Variants in UCK2 observed in about 807,000 individuals in gnomAD.
UCK2 encodes the protein uridine-cytidine kinase 2, also known as cytidine monophosphokinase 2.
Under a neutral mutation model 30.8 loss-of-function variants are expected in UCK2, and 6 were observed. The observed-to-expected ratio is 0.19, with a 90% confidence interval of 0.11 to 0.38. The LOEUF is 0.38. Among genes scored for constraint, UCK2 ranks in the 10% least tolerant of loss-of-function variants. The probability of loss-of-function intolerance (pLI) is 1.00; values close to 1 mark genes in which losing one functional copy is unlikely to be tolerated. For missense variants in UCK2, 210 were observed against 339.8 expected (o/e 0.62, Z 3.00); for synonymous variants, 125 against 133.6 (o/e 0.94, Z 0.45).
At chr1:165,874,802 T>A (rs1655293004) in intron 1 of UCK2, among the ~76,000 whole-genome samples, 1 of 152,228 alleles carries the variant, frequency 6.6e-6, no homozygotes, top group African/African-American at 2.4e-5. Context: ...TTGGGCATTC[T>A]AGAAGAGGGT....
At chr1:165,897,556 AG>A (rs751479038) in intron 4 of UCK2, among the ~76,000 whole-genome samples, 36 of 152,324 alleles carry the variant, frequency 2.4e-4, no homozygotes, top group Non-Finnish European at 4.3e-4. Flanking sequence ...GGAAATGACG[AG>A]GTTAGCTCCT....
intron 4 of UCK2, among the ~76,000 whole-genome samples, chr1:165,899,022 C>T (rs1557849272): frequency 6.6e-6 from 1 of 152,112 alleles, no homozygotes; most frequent in Non-Finnish European, 1.5e-5. Flanking sequence ...TTGTGGAGTG[C>T]GGGGGTGCTG....
chr1:165,875,501 A>G (rs971515966), intron 1 of UCK2, among the ~76,000 whole-genome samples: 7 of 152,092 alleles, frequency 4.6e-5, no homozygotes, highest in African/African-American at 1.4e-4. Flanking sequence ...TTGCTACACT[A>G]TTTACCTGGA....
intron 4 of UCK2, among the ~76,000 whole-genome samples, chr1:165,901,947 CA>C (rs35032034): frequency 5.2e-4 from 57 of 109,138 alleles, no homozygotes; most frequent in Middle Eastern, 5.2e-3. Flanking sequence ...CCGTGTCTAC[CA>C]AAAAAAAAAA....
rs766806885 is a variant in UCK2, at chr1:165,827,622, G to A, written c.-212G>A. On this transcript the variant is annotated 5_prime_UTR_variant, in exon 1 of 7. Transcript: ENST00000367879. ...TGACCTCTGCCTGGGATGTAAACCG[G>A]ACCAGCCGCTGCGGGCAAAGGAAGG... The A allele has an allele frequency of 2.1e-5, 8 of 382,110 alleles. No homozygotes were observed. Among genetic ancestry groups the A allele is most frequent in the East Asian group, 3.8e-5 (1 of 26,270 alleles). 23.7% of individuals were successfully genotyped at this position (382,110 alleles called of 1,614,324 possible).
chr1:165,876,546 A>C (rs1655341630), intron 1 of UCK2, among the ~76,000 whole-genome samples: 1 of 152,232 alleles, frequency 6.6e-6, no homozygotes. Flanking sequence ...AGGAGATAAA[A>C]ACAATGTATG....
rs185911790 is a variant in UCK2, at chr1:165,848,985, G to A, written c.99+21053G>A. 8.6e-4 allele frequency among the ~76,000 whole-genome samples: 131 copies of A among 152,208 alleles called. 1 individual carries two copies. Among genetic ancestry groups the A allele is most frequent in the African/African-American group, 2.8e-3 (118 of 41,518 alleles). The stretch of plus-strand genomic sequence containing the variant: ...AAGTAAGAATGATGGAGCTGGGTGC[G>A]GTGGCTCAGGCCTGTAATCCCAGTT... On this transcript the variant is annotated intron_variant, in intron 1 of 6. Coordinates refer to ENST00000367879, the MANE Select transcript of UCK2 (RefSeq NM_012474.5).
chr1:165,909,961 ACTC>A lies in UCK2; in HGVS notation c.*2142_*2144del, dbSNP rs1647796658. The A allele has an allele frequency of 6.6e-6, 1 of 151,982 alleles. No homozygotes were observed. The highest frequency in any genetic ancestry group is 1.5e-5 in the Non-Finnish European group (1 of 68,024). 9.4% of individuals were successfully genotyped at this position (151,982 alleles called of 1,614,324 possible). A position where few individuals can be genotyped will look rare whatever the true frequency, so the allele number is the denominator to read the frequency against. On this transcript the variant is annotated 3_prime_UTR_variant, in exon 7 of 7. Coordinates refer to ENST00000367879, the MANE Select transcript of UCK2 (RefSeq NM_012474.5). Reference sequence around the variant, plus strand: ...TTTATCCCACTGCCTTGGAAGATGGACTCCTCTCATCTCTGAGCCTTTACCTAG... The same window carrying A: ...TTTATCCCACTGCCTTGGAAGATGGACTCTCATCTCTGAGCCTTTACCTAG...
chr1:165,890,069 C>T (rs1016623286), intron 1 of UCK2, 135 bp from the exon 2 acceptor site: 5 of 935,454 alleles, frequency 5.3e-6, no homozygotes, highest in Middle Eastern at 3.4e-4. Context: ...TCATCATGCA[C>T]GATAGCTGCC....
At chr1:165,860,931 A>T (rs753565665) in intron 1 of UCK2, among the ~76,000 whole-genome samples, 2 of 152,200 alleles carry the variant, frequency 1.3e-5, no homozygotes, top group Non-Finnish European at 1.5e-5. Flanking sequence ...TGCTTTGTTG[A>T]GAAAAATAAA....
At chr1:165,867,442 A>T (rs1242880044) in intron 1 of UCK2, among the ~76,000 whole-genome samples, 7 of 152,156 alleles carry the variant, frequency 4.6e-5, no homozygotes, top group Non-Finnish European at 1.5e-5. Context: ...TTACCTTTCG[A>T]CCCAGCAATC....
chr1:165,861,650 CAAAAAAA>C (rs986990445), intron 1 of UCK2, among the ~76,000 whole-genome samples: 2 of 52,366 alleles, frequency 3.8e-5, no homozygotes, highest in Admixed American at 3.0e-4. Flanking sequence ...AAAAAAAAAA[CAAAAAAA>C]AACAACAGTA....
intron 1 of UCK2, among the ~76,000 whole-genome samples, chr1:165,866,728 T>G (rs1011715617): frequency 4.6e-5 from 7 of 152,230 alleles, no homozygotes; most frequent in Non-Finnish European, 5.9e-5. Flanking sequence ...AGAATTGGAC[T>G]ATTCTAGGTA....
intron 1 of UCK2, among the ~76,000 whole-genome samples, chr1:165,855,771 C>T (rs892417939): frequency 4.6e-5 from 7 of 152,074 alleles, no homozygotes; most frequent in East Asian, 3.9e-4. Context: ...GGGGTGGGGA[C>T]GTGGGGTGTG....
chr1:165,875,567 C>G (rs1289356543), intron 1 of UCK2, among the ~76,000 whole-genome samples: 6 of 152,164 alleles, frequency 3.9e-5, no homozygotes, highest in African/African-American at 1.2e-4. Flanking sequence ...GCCCCTGCCC[C>G]CTGCAGACAT....
At chr1:165,862,716 T>C (rs1392226551) in intron 1 of UCK2, among the ~76,000 whole-genome samples, 1 of 152,180 alleles carries the variant, frequency 6.6e-6, no homozygotes, top group African/African-American at 2.4e-5. Flanking sequence ...ACAGGTCTTA[T>C]GTTGTTGCCG....
At chr1:165,849,333 C>G (rs533533938) in intron 1 of UCK2, among the ~76,000 whole-genome samples, 1 of 152,044 alleles carries the variant, frequency 6.6e-6, no homozygotes, top group African/African-American at 2.4e-5. Flanking sequence ...AGAACCTGAC[C>G]GAGAGGCAAA....
At position 165,889,859 on chromosome 1, in the gene UCK2, C is replaced by A. The variant is rs186566979; in HGVS notation, c.100-345C>A. ...GCTTCCTCCCACCCGCCACCTCCAG[C>A]AGGCCCCAGTGTGTGTTGTTCCCCT... On this transcript the variant is annotated intron_variant, in intron 1 of 6. Coordinates refer to ENST00000367879, the MANE Select transcript of UCK2 (RefSeq NM_012474.5). Among the ~76,000 whole-genome samples, 4 of 152,200 alleles carry A rather than the reference C, an allele frequency of 2.6e-5. 1 individual carries two copies. In the South Asian group the frequency reaches 8.3e-4, roughly 32 times the overall value.
intron 1 of UCK2, among the ~76,000 whole-genome samples, chr1:165,846,709 A>G (rs1244704990): frequency 6.6e-6 from 1 of 152,168 alleles, no homozygotes; most frequent in Non-Finnish European, 1.5e-5. Context: ...TTTTTGATAT[A>G]GGTGTATTCT....
Sources: gnomAD v4.1 joint callset for allele counts (sites outside exome capture counted in the v4.1 genomes callset) on GRCh38, gnomAD v4.1.1 for gene constraint, MANE v1.5 for transcripts, NCBI Gene and HGNC (gene_info 2026-07-23, HGNC 2026-07-21) for gene names.